TRPC4: variants seen among roughly 807,000 people sequenced by gnomAD.
The protein encoded by TRPC4 is short transient receptor potential channel 4.
Under a neutral mutation model 99.4 loss-of-function variants are expected in TRPC4, and 49 were observed. The observed-to-expected ratio is 0.49, with a 90% CI of 0.39 to 0.63. The LOEUF (loss-of-function observed/expected upper bound fraction) is 0.63. TRPC4 is among the 20% of genes least tolerant of loss of function. TRPC4 has a pLI of 0.00. For synonymous variants in TRPC4, 454 were observed against 425.9 expected (o/e 1.07, Z -0.81); for missense variants, 898 against 1,152.9 (o/e 0.78, Z 3.20).
intron 1 of TRPC4, among the ~76,000 whole-genome samples, chr13:37,855,199 C>G (rs567484840): frequency 6.6e-6 from 1 of 150,840 alleles, no homozygotes; most frequent in South Asian, 2.1e-4. Flanking sequence ...ACACATATAT[C>G]TAACAAAATA....
intron 1 of TRPC4, among the ~76,000 whole-genome samples, chr13:37,833,048 C>T (rs374652596): frequency 2.6e-5 from 4 of 152,048 alleles, no homozygotes; most frequent in Non-Finnish European, 5.9e-5. Context: ...CTGCACTCTG[C>T]CAGTTCATAG....
chr13:37,745,457 T>TATGCATATATATATATATATGC (rs1955720074), intron 3 of TRPC4, among the ~76,000 whole-genome samples: 2 of 8,046 alleles, frequency 2.5e-4, no homozygotes, highest in South Asian at 3.9e-3. Context: ...TATATATATA[T>TATGCATATATATATATATATGC]ATATATATAT....
At chr13:37,764,478 T>C (rs1343983702) in intron 2 of TRPC4, among the ~76,000 whole-genome samples, 2 of 151,322 alleles carry the variant, frequency 1.3e-5, no homozygotes, top group Admixed American at 6.6e-5. Flanking sequence ...CAATAATTTG[T>C]AGATGATGTT....
rs1349183786 is a variant in TRPC4 at position 37,632,356 on chromosome 13, G to C, written c.*4547C>G. The stretch of plus-strand genomic sequence containing the variant: ...TTCATAAATACTATCAGTTCAATAT[G>C]TAGCCAACATAAAATATTTATGAGC... On this transcript the variant is annotated 3_prime_UTR_variant, in exon 11 of 11. Coordinates refer to ENST00000379705, the MANE Select transcript of TRPC4 (RefSeq NM_016179.4). 6.6e-6 allele frequency among the ~76,000 whole-genome samples: 1 copy of C among 152,144 alleles called. No homozygotes were observed. Among genetic ancestry groups the C allele is most frequent in the East Asian group, 1.9e-4 (1 of 5,198 alleles).
At position 37,637,427 on chromosome 13, in the gene TRPC4, G is replaced by T; in HGVS notation, c.2410C>A (p.His804Asn). ...FSLFDLTTLIHPRSAAIASER... is the reference protein window; with the variant it reads ...FSLFDLTTLINPRSAAIASER... ...GAGGCAATTGCTGCTGATCTCGGAT[G>T]AATCAGGGTGGTTAAATCAAAAAGG... Residue 804 changes from histidine (H) to asparagine (N), a missense_variant, in exon 11 of 11, where the codon CAT becomes AAT. Physicochemically the swap from His to Asn is moderately conservative, Grantham distance 68. Transcript: ENST00000379705. 1.2e-6 allele frequency: 2 copies of T among 1,613,734 alleles called. No individual in the cohort carries two copies. The highest frequency in any genetic ancestry group is 1.7e-6 in the Non-Finnish European group (2 of 1,179,818).
chr13:37,830,898 TATC>T (rs1434322283), intron 1 of TRPC4, among the ~76,000 whole-genome samples: 3 of 150,750 alleles, frequency 2.0e-5, no homozygotes, highest in African/African-American at 7.3e-5. Context: ...TAGGAAGTAG[TATC>T]ATATCATATG....
At chr13:37,811,357 AT>A (rs1957679705) in intron 1 of TRPC4, among the ~76,000 whole-genome samples, 1 of 152,184 alleles carries the variant, frequency 6.6e-6, no homozygotes, top group Admixed American at 6.6e-5. Context: ...GTCACTGGAC[AT>A]TATCAGCCCA....
intron 2 of TRPC4, among the ~76,000 whole-genome samples, chr13:37,759,536 T>C (rs1956173325): frequency 6.6e-6 from 1 of 151,602 alleles, no homozygotes; most frequent in Admixed American, 6.6e-5. Context: ...AAAATGTAAA[T>C]AAAAAATCTT....
intron 1 of TRPC4, among the ~76,000 whole-genome samples, chr13:37,867,580 T>C (rs187425521): frequency 2.0e-5 from 3 of 152,200 alleles, no homozygotes; most frequent in Admixed American, 2.0e-4. Context: ...CAGATGTTTA[T>C]AACTTTGAAA....
At chr13:37,730,185 T>G (rs1955198014) in intron 3 of TRPC4, among the ~76,000 whole-genome samples, 1 of 152,002 alleles carries the variant, frequency 6.6e-6, no homozygotes, top group Non-Finnish European at 1.5e-5. Context: ...TGTAGCAGAT[T>G]AGGCCTATTT....
intron 2 of TRPC4, among the ~76,000 whole-genome samples, chr13:37,749,413 G>A (rs892898879): frequency 1.3e-5 from 2 of 151,842 alleles, no homozygotes; most frequent in African/African-American, 2.4e-5. Flanking sequence ...TAATTGCCTG[G>A]CACCCAGCTG....
chr13:37,851,148 G>C (rs142761602), intron 1 of TRPC4, among the ~76,000 whole-genome samples: 1 of 152,278 alleles, frequency 6.6e-6, no homozygotes, highest in East Asian at 1.9e-4. Flanking sequence ...CATAGGAACA[G>C]GGTCATACAA....
intron 2 of TRPC4, among the ~76,000 whole-genome samples, chr13:37,750,074 A>T (rs956311847): frequency 6.6e-5 from 10 of 152,132 alleles, no homozygotes; most frequent in African/African-American, 2.4e-4. Flanking sequence ...AAAATTTTAT[A>T]TAAATAGAAT....
At chr13:37,776,460 G>GCT (rs369261336) in intron 2 of TRPC4, among the ~76,000 whole-genome samples, 5 of 150,886 alleles carry the variant, frequency 3.3e-5, no homozygotes, top group African/African-American at 9.7e-5. Context: ...GCTCTCTTTA[G>GCT]CTCTCTCTCT....
At chr13:37,738,936 G>T (rs192249568) in intron 3 of TRPC4, among the ~76,000 whole-genome samples, 3 of 132,712 alleles carry the variant, frequency 2.3e-5, no homozygotes, top group Non-Finnish European at 5.1e-5. Context: ...CCGGGCTTGG[G>T]ATTTTCAATT....
intron 3 of TRPC4, among the ~76,000 whole-genome samples, chr13:37,729,199 T>C (rs997940363): frequency 6.7e-5 from 10 of 149,748 alleles, no homozygotes; most frequent in East Asian, 2.0e-4. Flanking sequence ...AAAGAAGATA[T>C]ACCAACAGCC....
chr13:37,695,247 G>T (rs1953868408), intron 3 of TRPC4, among the ~76,000 whole-genome samples: 1 of 148,090 alleles, frequency 6.8e-6, no homozygotes, highest in African/African-American at 2.5e-5. Flanking sequence ...TCTCTCTGTT[G>T]CCTCCCTCAC....
At chr13:37,656,724 G>C (rs1265882814) in intron 6 of TRPC4, among the ~76,000 whole-genome samples, 2 of 152,198 alleles carry the variant, frequency 1.3e-5, no homozygotes, top group Non-Finnish European at 2.9e-5. Context: ...GGAATGACGG[G>C]ATGCCAAAGG....
chr13:37,800,059 A>C (rs2139427442), intron 1 of TRPC4, among the ~76,000 whole-genome samples: 1 of 152,326 alleles, frequency 6.6e-6, no homozygotes, highest in East Asian at 1.9e-4. Flanking sequence ...TACTTTGATT[A>C]CCTCTCAGTG....
Sources: allele counts gnomAD v4.1 joint callset (sites outside exome capture counted in the v4.1 genomes callset), GRCh38; gene constraint gnomAD v4.1.1; transcripts MANE v1.5; gene names NCBI Gene and HGNC (gene_info 2026-07-23, HGNC 2026-07-21).